Variants in STAG1 observed in about 807,000 individuals in gnomAD.
STAG1 encodes STAG1 cohesin complex component.
A neutral mutation model predicts 170.9 loss-of-function variants in STAG1; 26 were observed. The ratio of observed to expected loss-of-function variants is 0.15; its 90% CI spans 0.11 to 0.21. STAG1 has a LOEUF of 0.21. Among genes scored for constraint, STAG1 ranks in the 10% least tolerant of loss-of-function variants. STAG1 has a pLI of 1.00. For missense variants in STAG1, 964 were observed against 1,509.5 expected (o/e 0.64, Z 5.99); for synonymous variants, 514 against 497.7 (o/e 1.03, Z -0.44).
At chr3:136,686,920 A>T (rs73230039) in intron 1 of STAG1, among the ~76,000 whole-genome samples, 6,125 of 152,298 alleles carry the variant, frequency 0.04, 154 homozygotes, top group Non-Finnish European at 0.061. Context: ...TAAGCTGTGG[A>T]GTCAGCTACA....
chr3:136,446,825 G>C (rs2088795137), intron 14 of STAG1, among the ~76,000 whole-genome samples: 1 of 148,240 alleles, frequency 6.7e-6, no homozygotes, highest in African/African-American at 2.5e-5. Flanking sequence ...TTTTTTTTGA[G>C]ACAGAGTCTT....
At chr3:136,412,539 G>A (rs1352699617) in intron 21 of STAG1, among the ~76,000 whole-genome samples, 1 of 152,206 alleles carries the variant, frequency 6.6e-6, no homozygotes, top group Non-Finnish European at 1.5e-5. Context: ...TCAGTGATCA[G>A]AGTTAATAAT....
intron 20 of STAG1, among the ~76,000 whole-genome samples, chr3:136,420,326 T>C (rs2087915098): frequency 6.8e-6 from 1 of 147,448 alleles, no homozygotes; most frequent in African/African-American, 2.5e-5. Flanking sequence ...AGGAAAAACA[T>C]ATCTCAATAT....
intron 1 of STAG1, among the ~76,000 whole-genome samples, chr3:136,686,083 G>A (rs1056563294): frequency 6.6e-6 from 1 of 152,160 alleles, no homozygotes; most frequent in Non-Finnish European, 1.5e-5. Flanking sequence ...GGTTTTAGCA[G>A]CTACTAGGCA....
intron 7 of STAG1, among the ~76,000 whole-genome samples, chr3:136,514,049 G>A (rs1182256443): frequency 6.6e-6 from 1 of 152,078 alleles, no homozygotes; most frequent in East Asian, 1.9e-4. Context: ...TCATAAGATG[G>A]TACCATTATA....
intron 7 of STAG1, among the ~76,000 whole-genome samples, chr3:136,514,273 A>AGG (rs1934232027): frequency 6.6e-6 from 1 of 152,220 alleles, no homozygotes; most frequent in Non-Finnish European, 1.5e-5. Flanking sequence ...ACACTTCTCA[A>AGG]AAGAAGACAT....
At chr3:136,432,224 A>G (rs1221068720) in intron 16 of STAG1, among the ~76,000 whole-genome samples, 16 of 152,084 alleles carry the variant, frequency 1.1e-4, no homozygotes, top group Non-Finnish European at 1.5e-4. Context: ...AAATTTGTGC[A>G]TTGTACTTCT....
intron 9 of STAG1, among the ~76,000 whole-genome samples, chr3:136,486,343 A>G (rs2107837216): frequency 6.6e-6 from 1 of 152,320 alleles, no homozygotes; most frequent in East Asian, 1.9e-4. Flanking sequence ...TACTATTTAA[A>G]ATTTCCATCT....
intron 14 of STAG1, among the ~76,000 whole-genome samples, chr3:136,447,188 A>G (rs1352229074): frequency 2.0e-5 from 3 of 151,710 alleles, no homozygotes; most frequent in South Asian, 2.1e-4. Flanking sequence ...CTCCTCATTC[A>G]TAAGAAGGGT....
chr3:136,625,043 A>C (rs983572141), intron 2 of STAG1, among the ~76,000 whole-genome samples: 4 of 152,186 alleles, frequency 2.6e-5, no homozygotes, highest in African/African-American at 9.7e-5. Flanking sequence ...AAATTCCTAA[A>C]AATTTAATAT....
chr3:136,612,990 C>T (rs1939380551), intron 3 of STAG1, among the ~76,000 whole-genome samples: 4 of 152,182 alleles, frequency 2.6e-5, no homozygotes, highest in Admixed American at 2.6e-4. Flanking sequence ...TACCATTTTG[C>T]ATTTCTACCA....
chr3:136,474,139 A>T (rs1015020204), intron 10 of STAG1, among the ~76,000 whole-genome samples: 9 of 152,192 alleles, frequency 5.9e-5, no homozygotes, highest in African/African-American at 1.7e-4. Context: ...TGATACATGA[A>T]GAGTCCTGGG....
chr3:136,441,759 C>G (rs1354471005), intron 15 of STAG1, among the ~76,000 whole-genome samples: 1 of 151,866 alleles, frequency 6.6e-6, no homozygotes, highest in Non-Finnish European at 1.5e-5. Context: ...AAAAGGGACT[C>G]AATAGAACAG....
Position 136,338,462 on chromosome 3 carries a change from A to C in STAG1, c.3673-12T>G. 1 of 1,609,992 alleles carries C rather than the reference A, an allele frequency of 6.2e-7. No homozygotes were observed. The highest frequency in any genetic ancestry group is 8.5e-7 in the Non-Finnish European group (1 of 1,176,794). ...TTTCTTGATGGAGGCTGGAAAGAGA[A>C]ATCGGTTTCTTAATTTTTTTCTGAG... On this transcript the variant is annotated splice_polypyrimidine_tract_variant and intron_variant, in intron 32 of 33. Coordinates refer to ENST00000383202, the MANE Select transcript of STAG1 (RefSeq NM_005862.3).
intron 7 of STAG1, among the ~76,000 whole-genome samples, chr3:136,510,900 T>C (rs1934033450): frequency 6.6e-6 from 1 of 151,970 alleles, no homozygotes. Context: ...GCCTCAGCCT[T>C]GTAGCTGGGA....
chr3:136,486,067 T>C (rs1249156894), intron 9 of STAG1, among the ~76,000 whole-genome samples: 1 of 152,158 alleles, frequency 6.6e-6, no homozygotes, highest in Non-Finnish European at 1.5e-5. Flanking sequence ...ATTATAAAAT[T>C]GATTCAGTGA....
chr3:136,443,298 T>G lies in STAG1; in HGVS notation c.1535A>C (p.Gln512Pro), dbSNP rs370328978. ...MTELLLEEPVQGEEAMSDRQE... is the reference protein window; with the variant it reads ...MTELLLEEPVPGEEAMSDRQE... ...TCAAAATACTATACCTTCCTCTCCT[T>G]GAACAGGTTCTTCTAATAGCAACTC... The change falls in exon 15 of 34, where the codon CAA (glutamine) becomes CCA (proline). Residue 512 changes from glutamine (Q) to proline (P), a missense_variant. Around this residue, in one of 11 missense-constraint regions of STAG1, gnomAD observed 162 missense variants for 211.2 expected, o/e 0.77. Transcript: ENST00000383202. 18 of 1,610,462 alleles carry G rather than the reference T, an allele frequency of 1.1e-5. No homozygotes were observed. The highest frequency in any genetic ancestry group is 1.5e-5 in the Non-Finnish European group (18 of 1,177,214).
At chr3:136,405,552 TA>T (rs2087457123) in intron 21 of STAG1, among the ~76,000 whole-genome samples, 2 of 151,658 alleles carry the variant, frequency 1.3e-5, no homozygotes, top group Admixed American at 6.6e-5. Context: ...TCAACATCTT[TA>T]GTATTAGGAA....
intron 5 of STAG1, among the ~76,000 whole-genome samples, chr3:136,561,443 T>C (rs1208254823): frequency 1.3e-5 from 2 of 152,266 alleles, no homozygotes; most frequent in Admixed American, 6.5e-5. Context: ...GTTTACACCA[T>C]CACAGTGAAA....
Sources: allele counts gnomAD v4.1 joint callset (sites outside exome capture counted in the v4.1 genomes callset), GRCh38; gene constraint gnomAD v4.1.1; regional missense constraint gnomAD v4.1.1; transcripts MANE v1.5; gene names NCBI Gene and HGNC (gene_info 2026-07-23, HGNC 2026-07-21).